Variants in GNAO1 observed in about 807,000 individuals in gnomAD.
GNAO1 encodes G protein subunit alpha o1.
For synonymous variants in GNAO1, 164 were observed against 180.7 expected (o/e 0.91, Z 0.74); for missense variants, 166 against 478.7 (o/e 0.35, Z 6.10).
intron 2 of GNAO1, among the ~76,000 whole-genome samples, chr16:56,205,301 G>T (rs1378965299): frequency 6.6e-6 from 1 of 152,220 alleles, no homozygotes; most frequent in African/African-American, 2.4e-5. Flanking sequence ...AATTCACGTG[G>T]AAAGAAAAAG....
chr16:56,231,313 T>G (rs11646508), intron 2 of GNAO1, among the ~76,000 whole-genome samples: 21,433 of 152,178 alleles, frequency 0.14, 2,008 homozygotes, highest in African/African-American at 0.26. Flanking sequence ...TTCAGGTCTC[T>G]GCCCATATGT....
At chr16:56,340,687 CGTCTCCGTCCTGGTG>C in intron 6 of GNAO1, 1 of 712,584 alleles carries the variant, frequency 1.4e-6, no homozygotes. Flanking sequence ...TGGGTCCTCC[CGTCTCCGTCCTGGTG>C]GTCTCCGTCC....
chr16:56,308,147 G>A (rs922445), intron 3 of GNAO1: 29,079 of 152,142 alleles, frequency 0.19, 3,011 homozygotes, highest in East Asian at 0.43. Context: ...CCTGTGTCAT[G>A]GGAAGCACAG....
At chr16:56,250,546 C>T (rs1201677454) in intron 2 of GNAO1, among the ~76,000 whole-genome samples, 1 of 152,178 alleles carries the variant, frequency 6.6e-6, no homozygotes, top group Non-Finnish European at 1.5e-5. Context: ...AGAAGCTGAT[C>T]CTGAGTATCA....
At chr16:56,240,482 G>A (rs1166896023) in intron 2 of GNAO1, among the ~76,000 whole-genome samples, 1 of 152,140 alleles carries the variant, frequency 6.6e-6, no homozygotes, top group Admixed American at 6.5e-5. Context: ...TTTGAACCAT[G>A]GTGCTGTTTA....
chr16:56,347,891 TCC>T, intron 6 of GNAO1: 3 of 955,750 alleles, frequency 3.1e-6, no homozygotes, highest in Non-Finnish European at 3.7e-6. Flanking sequence ...TTCTGACCCA[TCC>T]CCTGGCTCTG....
intron 2 of GNAO1, among the ~76,000 whole-genome samples, chr16:56,231,392 C>T (rs1232066604): frequency 1.3e-5 from 2 of 152,232 alleles, no homozygotes; most frequent in African/African-American, 2.4e-5. Context: ...GCCGTCTCCA[C>T]GCTCTGCTTA....
At chr16:56,256,908 C>T (rs2036855967) in intron 2 of GNAO1, among the ~76,000 whole-genome samples, 1 of 152,096 alleles carries the variant, frequency 6.6e-6, no homozygotes, top group South Asian at 2.1e-4. Context: ...ACAGGACGGA[C>T]ACTGCCAGTG....
chr16:56,336,915 A>G (rs1164912661), intron 6 of GNAO1, 55 bp downstream of exon 6: 7 of 1,547,228 alleles, frequency 4.5e-6, no homozygotes, highest in African/African-American at 2.7e-5. Context: ...CGGCCGCAGG[A>G]TAGGCCAGCC....
chr16:56,341,608 G>C (rs1330807521), intron 6 of GNAO1, among the ~76,000 whole-genome samples: 1 of 152,232 alleles, frequency 6.6e-6, no homozygotes, highest in African/African-American at 2.4e-5. Flanking sequence ...AAATCACAGA[G>C]CTTTGCAAGC....
At chr16:56,340,946 T>A in intron 6 of GNAO1, 4 of 1,613,652 alleles carry the variant, frequency 2.5e-6, no homozygotes, top group Non-Finnish European at 3.4e-6. Flanking sequence ...GAAGAGAAGA[T>A]CAAGAAGTCC....
chr16:56,304,701 G>A (rs1435484750), intron 3 of GNAO1, among the ~76,000 whole-genome samples: 1 of 152,142 alleles, frequency 6.6e-6, no homozygotes. Flanking sequence ...AATATTAGTG[G>A]GTTTGAAATT....
Position 56,298,915 on chromosome 16 carries a change from A to AATGTCTC in GNAO1, c.303+22844_303+22845insTGTCTCA, listed in dbSNP as rs1491446242. Reference sequence around the variant, plus strand: ...GGGCGAGAGAGTGAGACTCTGTCTCAAAAAAAAAAAAAAAAGGGTTAATTA... The same window carrying AATGTCTC: ...GGGCGAGAGAGTGAGACTCTGTCTCAATGTCTCAAAAAAAAAAAAAAAGGGTTAATTA... On this transcript the variant is annotated intron_variant, in intron 3 of 8. Transcript: ENST00000262493. 4.9e-5 allele frequency among the ~76,000 whole-genome samples: 6 copies of AATGTCTC among 122,196 alleles called. No individual in the cohort carries two copies. In the East Asian group the frequency reaches 1.3e-3, roughly 27 times the overall value. The allele number at this position is 122,196 out of a possible 152,430, so 80.2% of individuals were successfully genotyped here.
intron 4 of GNAO1, among the ~76,000 whole-genome samples, chr16:56,331,214 A>C (rs1449134522): frequency 2.0e-5 from 3 of 152,182 alleles, no homozygotes; most frequent in Non-Finnish European, 4.4e-5. Context: ...CAGGCTCCTG[A>C]GCAGGCTCTT....
At chr16:56,291,422 TATTCAGA>T (rs2037231260) in intron 3 of GNAO1, among the ~76,000 whole-genome samples, 1 of 152,266 alleles carries the variant, frequency 6.6e-6, no homozygotes, top group Admixed American at 6.5e-5. Context: ...GAGAAATGTC[TATTCAGA>T]ATTAGCCCAT....
chr16:56,319,646 G>A (rs1186157495), intron 3 of GNAO1, among the ~76,000 whole-genome samples: 3 of 152,140 alleles, frequency 2.0e-5, no homozygotes, highest in South Asian at 2.1e-4. Context: ...ACATGTCCTC[G>A]TGGCAGGACA....
intron 6 of GNAO1, chr16:56,344,969 T>A (rs1357576935): frequency 2.0e-6 from 2 of 982,358 alleles, no homozygotes; most frequent in African/African-American, 3.5e-5. Context: ...GCCGTTGGTG[T>A]CTTCCCAGCC....
rs2143647007 is a variant in GNAO1, at chr16:56,328,670, G to A, written c.343G>A (p.Glu115Lys). The change falls in exon 4 of 9, where the codon GAA becomes AAA. Residue 115 changes from glutamate to lysine, a missense_variant. Physicochemically the swap from Glu to Lys is moderately conservative, Grantham distance 56 (BLOSUM62 1). Coordinates refer to ENST00000262493, the MANE Select transcript of GNAO1 (RefSeq NM_020988.3). ...GGTGTGTGATGTGGTGAGTCGGATGGAAGACACCGAGCCCTTCTCTGCAGA... is the reference window on the plus strand; with the variant it reads ...GGTGTGTGATGTGGTGAGTCGGATGAAAGACACCGAGCCCTTCTCTGCAGA... The part of the protein sequence containing the change: ...KMVCDVVSRM[E>K]DTEPFSAELL... 1 of 1,614,230 alleles carries A rather than the reference G, an allele frequency of 6.2e-7. No individual in the cohort carries two copies. Among genetic ancestry groups the A allele is most frequent in the Non-Finnish European group, 8.5e-7 (1 of 1,180,030 alleles).
At chr16:56,194,928 A>C (rs1315611689) in intron 2 of GNAO1, among the ~76,000 whole-genome samples, 6 of 152,158 alleles carry the variant, frequency 3.9e-5, no homozygotes, top group Non-Finnish European at 8.8e-5. Context: ...AGGAAATCTT[A>C]AATGAAGGCT....
Sources: gnomAD v4.1 joint callset for allele counts (sites outside exome capture counted in the v4.1 genomes callset) on GRCh38, gnomAD v4.1.1 for gene constraint, MANE v1.5 for transcripts, NCBI Gene and HGNC (gene_info 2026-07-23, HGNC 2026-07-21) for gene names.